The following BAZ2B variants were observed in gnomAD, a reference collection of about 807,000 sequenced individuals.
BAZ2B encodes the protein bromodomain adjacent to zinc finger domain protein 2B.
In BAZ2B, 91 loss-of-function variants were observed where a neutral mutation model predicts 246.0. That is an observed-to-expected ratio of 0.37 (90% CI 0.31 to 0.44). The LOEUF (loss-of-function observed/expected upper bound fraction) is 0.44, where lower values mean the gene tolerates loss of function less well. Among genes scored for constraint, BAZ2B ranks in the 20% least tolerant of loss-of-function variants. The pLI is 1.00. For missense variants in BAZ2B, 2,332 were observed against 2,533.7 expected, an observed-to-expected ratio of 0.92 and a Z score of 1.71; for synonymous variants, 855 against 860.0, an observed-to-expected ratio of 0.99 and a Z score of 0.10.
chr2:159,330,700 TA>T (rs111382817), intron 34 of BAZ2B, among the ~76,000 whole-genome samples: 208 of 146,454 alleles, frequency 1.4e-3, no homozygotes, highest in African/African-American at 4.3e-3. Flanking sequence ...TCTACAAAAT[TA>T]AAAAAAAAAA....
rs868814852 is a variant in BAZ2B, at chr2:159,579,513, C to G, written c.-45-23648G>C. On this transcript the variant is annotated intron_variant, in intron 1 of 36. Transcript: ENST00000392783. ...CCAGCGGTACAAAGAGGAGCTGGTA[C>G]CATTCCTTCTGAAACTATTCCAATC... 5.9e-5 allele frequency among the ~76,000 whole-genome samples: 9 copies of G among 152,186 alleles called. No individual in the cohort carries two copies. The South Asian group carries it at 6.2e-4, about 11-fold the overall frequency.
chr2:159,611,377 T>C (rs932180790), intron 1 of BAZ2B, among the ~76,000 whole-genome samples: 7 of 151,918 alleles, frequency 4.6e-5, no homozygotes, highest in African/African-American at 1.4e-4. Flanking sequence ...TTCTTAAATA[T>C]TGAGTCATAG....
At chr2:159,696,621 G>A in the BAZ2B span, among the ~76,000 whole-genome samples, 1 of 152,124 alleles carries the variant, frequency 6.6e-6, no homozygotes, top group Non-Finnish European at 1.5e-5. Flanking sequence ...CTTCTCCTGT[G>A]CAGTTTTTCC....
chr2:159,325,380 C>T (rs1224881207), intron 35 of BAZ2B, among the ~76,000 whole-genome samples: 6 of 151,172 alleles, frequency 4.0e-5, no homozygotes, highest in Non-Finnish European at 8.8e-5. Context: ...ACCCACCTGT[C>T]TTGACCTCTC....
rs546840103 is a variant in BAZ2B, at chr2:159,365,314, T to C, written c.4213+7731A>G. ...CCTTTTAACAATGACTTCTATAAGA[T>C]TGTCTGGTCCGGGTGACCTCTGCTG... On this transcript the variant is annotated intron_variant, in intron 27 of 36. Transcript: ENST00000392783. Among the ~76,000 whole-genome samples the C allele has an allele frequency of 4.9e-4, 74 of 152,258 alleles. 2 individuals carry two copies. The South Asian group carries it at 0.015, about 30-fold the overall frequency.
intron 3 of BAZ2B, among the ~76,000 whole-genome samples, chr2:159,471,997 C>T (rs2077858956): frequency 6.6e-6 from 1 of 151,948 alleles, no homozygotes; most frequent in Non-Finnish European, 1.5e-5. Context: ...CAATACAGAG[C>T]TGGGGAGATA....
chr2:159,630,258 G>C, the BAZ2B span, among the ~76,000 whole-genome samples: 1 of 152,160 alleles, frequency 6.6e-6, no homozygotes, highest in South Asian at 2.1e-4. Flanking sequence ...AGGAGTTCAA[G>C]GCTGCAGTGG....
intron 2 of BAZ2B, among the ~76,000 whole-genome samples, chr2:159,548,037 G>A (rs1302033003): frequency 1.3e-5 from 2 of 152,168 alleles, no homozygotes; most frequent in Non-Finnish European, 2.9e-5. Context: ...TAGAGGTAAA[G>A]AGAGGGTTTC....
chr2:159,494,342 T>C (rs1053795597), intron 2 of BAZ2B, among the ~76,000 whole-genome samples: 11 of 152,214 alleles, frequency 7.2e-5, no homozygotes, highest in Non-Finnish European at 1.5e-4. Context: ...CCCAGTAATG[T>C]ATGGTTTCTA....
chr2:159,525,877 A>T (rs1219049598), intron 2 of BAZ2B, among the ~76,000 whole-genome samples: 1 of 152,194 alleles, frequency 6.6e-6, no homozygotes, highest in Non-Finnish European at 1.5e-5. Context: ...TAAGTGTTTG[A>T]TTTTAATGCT....
At chr2:159,442,353 G>C (rs958408650) in intron 6 of BAZ2B, among the ~76,000 whole-genome samples, 5 of 152,168 alleles carry the variant, frequency 3.3e-5, no homozygotes, top group African/African-American at 1.2e-4. Flanking sequence ...GTGAACCAGG[G>C]AGACAGTGAT....
chr2:159,574,312 T>A (rs1684764429), intron 1 of BAZ2B, among the ~76,000 whole-genome samples: 1 of 151,296 alleles, frequency 6.6e-6, no homozygotes, highest in Non-Finnish European at 1.5e-5. Flanking sequence ...GAGATGGCAC[T>A]TCACACTCAC....
intron 1 of BAZ2B, among the ~76,000 whole-genome samples, chr2:159,562,085 A>G (rs1033182061): frequency 1.3e-5 from 2 of 152,218 alleles, no homozygotes; most frequent in East Asian, 3.8e-4. Flanking sequence ...TTACATTTCC[A>G]TAAATTACTA....
the BAZ2B span, among the ~76,000 whole-genome samples, chr2:159,655,571 CATTA>C: frequency 7.2e-5 from 11 of 152,146 alleles, no homozygotes; most frequent in South Asian, 1.5e-3. Context: ...GGGAGGTGTT[CATTA>C]ATTATTTCTT....
intron 2 of BAZ2B, among the ~76,000 whole-genome samples, chr2:159,543,812 G>A (rs2086953968): frequency 6.6e-6 from 1 of 152,200 alleles, no homozygotes; most frequent in Non-Finnish European, 1.5e-5. Flanking sequence ...GGGATTACAG[G>A]CATGCGCCAC....
At chr2:159,645,041 A>G in the BAZ2B span, among the ~76,000 whole-genome samples, 142,252 of 152,180 alleles carry the variant, frequency 0.93, 66,616 homozygotes, top group Middle Eastern at 0.97. Context: ...TTGAGAGCCC[A>G]AGGCAGGTGG....
intron 34 of BAZ2B, among the ~76,000 whole-genome samples, chr2:159,330,950 G>A (rs2064643977): frequency 6.6e-6 from 1 of 152,170 alleles, no homozygotes; most frequent in Admixed American, 6.6e-5. Context: ...AGGAAAAAAT[G>A]GAGGAACTGG....
intron 13 of BAZ2B, among the ~76,000 whole-genome samples, chr2:159,418,429 A>G (rs905263992): frequency 7.9e-5 from 12 of 152,280 alleles, no homozygotes; most frequent in South Asian, 2.1e-4. Context: ...AAATTGCCCA[A>G]TTAACTGGGT....
chr2:159,317,967 C>T (rs1211708871), downstream of BAZ2B, among the ~76,000 whole-genome samples: 2 of 152,142 alleles, frequency 1.3e-5, no homozygotes, highest in Non-Finnish European at 1.5e-5. Flanking sequence ...AATGAAGACA[C>T]CAGTCCGAAG....
Sources: allele counts gnomAD v4.1 joint callset (sites outside exome capture counted in the v4.1 genomes callset), GRCh38; gene constraint gnomAD v4.1.1; transcripts MANE v1.5; gene names NCBI Gene and HGNC (gene_info 2026-07-23, HGNC 2026-07-21).